Variants in FLRT1 observed in about 807,000 individuals in gnomAD.
FLRT1 encodes fibronectin leucine rich transmembrane protein 1, also known as leucine-rich repeat transmembrane protein FLRT1.
In FLRT1, 14 loss-of-function variants were observed where a neutral mutation model predicts 30.9. The observed-to-expected ratio is 0.45, with a 90% CI of 0.30 to 0.71. FLRT1 has a LOEUF of 0.71. Ranked by LOEUF, FLRT1 falls within the 30% of genes least tolerant of loss-of-function variation. The pLI is 0.08. For missense variants in FLRT1, 737 were observed against 949.2 expected, an observed-to-expected ratio of 0.78 and a Z score of 2.94; for synonymous variants, 368 against 430.4, an observed-to-expected ratio of 0.85 and a Z score of 1.80.
At chr11:64,054,978 C>A (rs947914737) in intron 1 of FLRT1, among the ~76,000 whole-genome samples, 1 of 152,186 alleles carries the variant, frequency 6.6e-6, no homozygotes, top group South Asian at 2.1e-4. Flanking sequence ...TCCTACCAGC[C>A]CTTTCCTACC....
chr11:64,052,863 G>A (rs1464280323), intron 1 of FLRT1, among the ~76,000 whole-genome samples: 1 of 152,154 alleles, frequency 6.6e-6, no homozygotes, highest in African/African-American at 2.4e-5. Flanking sequence ...CTTTAATTAT[G>A]CCCCTGCCAG....
chr11:64,051,051 G>T (rs1943684314), intron 1 of FLRT1, among the ~76,000 whole-genome samples: 1 of 152,210 alleles, frequency 6.6e-6, no homozygotes, highest in African/African-American at 2.4e-5. Context: ...AAGGATTGAG[G>T]CTCAAGTATT....
chr11:64,053,743 G>T (rs1372749710), intron 1 of FLRT1, among the ~76,000 whole-genome samples: 1 of 152,166 alleles, frequency 6.6e-6, no homozygotes, highest in Non-Finnish European at 1.5e-5. Flanking sequence ...CGCTCTCTGG[G>T]ACTGCTGGGC....
chr11:64,042,744 G>A (rs1159104648), intron 1 of FLRT1, among the ~76,000 whole-genome samples: 3 of 152,308 alleles, frequency 2.0e-5, no homozygotes, highest in East Asian at 3.9e-4. Context: ...CACTACTTCT[G>A]GACAAGGGGT....
chr11:64,036,614 C>G lies in FLRT1; in HGVS notation c.-1038+455C>G, dbSNP rs1373110806. Among the ~76,000 whole-genome samples the G allele has an allele frequency of 2.6e-5, 4 of 152,184 alleles. No homozygotes were observed. Among genetic ancestry groups the G allele is most frequent in the Admixed American group, 1.3e-4 (2 of 15,292 alleles). On this transcript the variant is annotated intron_variant, in intron 1 of 2. Transcript: ENST00000682287. This position sits in a 1 kb window ranked among gnomAD's most constrained non-coding sequence, Gnocchi z 5.6. ...CCGGCCGGCCTGGGCGCCGCGCTCC[C>G]GTCCCCACCAGCCGCGTGAGTCACG...
At chr11:64,088,442 T>C (rs567761621) in intron 1 of FLRT1, among the ~76,000 whole-genome samples, 152 of 152,174 alleles carry the variant, frequency 1.0e-3, no homozygotes, top group Non-Finnish European at 1.5e-3. Flanking sequence ...GCCCTGCAGG[T>C]GCGGCTGTGG....
At chr11:64,052,098 A>C (rs1038140403) in intron 1 of FLRT1, among the ~76,000 whole-genome samples, 17 of 151,904 alleles carry the variant, frequency 1.1e-4, no homozygotes, top group African/African-American at 3.9e-4. Flanking sequence ...AATCCCTTGG[A>C]GGAAGCCCTG....
At chr11:64,109,638 C>T (rs1420586617) in intron 2 of FLRT1, among the ~76,000 whole-genome samples, 6 of 152,236 alleles carry the variant, frequency 3.9e-5, no homozygotes, top group South Asian at 4.2e-4. Flanking sequence ...CTTACCTCCC[C>T]GGACTCCTCC....
At chr11:64,047,718 G>A (rs1408925686) in intron 1 of FLRT1, among the ~76,000 whole-genome samples, 1 of 151,910 alleles carries the variant, frequency 6.6e-6, no homozygotes, top group African/African-American at 2.4e-5. Flanking sequence ...CCAACGTGGT[G>A]AAACCCCTTC....
At chr11:64,074,579 C>T (rs113295262) in intron 1 of FLRT1, among the ~76,000 whole-genome samples, 3,137 of 152,304 alleles carry the variant, frequency 0.021, 61 homozygotes, top group South Asian at 0.052. Context: ...TCCATGTCCC[C>T]GCAGGCCCTC....
At chr11:64,099,053 G>C (rs1944626728) in intron 1 of FLRT1, among the ~76,000 whole-genome samples, 1 of 152,228 alleles carries the variant, frequency 6.6e-6, no homozygotes. Flanking sequence ...GAAGCCCTGA[G>C]TGCCAAGGGT....
intron 1 of FLRT1, among the ~76,000 whole-genome samples, chr11:64,078,785 A>AG (rs1326821877): frequency 5.9e-5 from 7 of 117,836 alleles, no homozygotes; most frequent in African/African-American, 2.0e-4. Flanking sequence ...GGGTGACTGC[A>AG]GGGGGGGAGG....
At chr11:64,068,140 T>C (rs1321577824) in intron 1 of FLRT1, among the ~76,000 whole-genome samples, 4 of 152,216 alleles carry the variant, frequency 2.6e-5, no homozygotes, top group Non-Finnish European at 4.4e-5. Context: ...ATTAATGGCA[T>C]TAAGATATGG....
intron 1 of FLRT1, among the ~76,000 whole-genome samples, chr11:64,068,822 T>C (rs1944053242): frequency 6.6e-6 from 1 of 152,332 alleles, no homozygotes; most frequent in Middle Eastern, 3.4e-3. Context: ...TGGGCCTGTG[T>C]CACTGAGCAG....
At chr11:64,106,514 GATAA>G (rs1453117885) in intron 2 of FLRT1, among the ~76,000 whole-genome samples, 1 of 152,222 alleles carries the variant, frequency 6.6e-6, no homozygotes. Flanking sequence ...ATAAACTCAT[GATAA>G]ATAAATAGGG....
At chr11:64,050,302 G>A (rs1002412995) in intron 1 of FLRT1, among the ~76,000 whole-genome samples, 1 of 152,084 alleles carries the variant, frequency 6.6e-6, no homozygotes, top group Non-Finnish European at 1.5e-5. Context: ...CAGCTACCAC[G>A]AGGCCCAGAG....
intron 1 of FLRT1, among the ~76,000 whole-genome samples, chr11:64,087,772 G>A (rs1373192688): frequency 1.3e-5 from 2 of 152,260 alleles, no homozygotes; most frequent in Non-Finnish European, 2.9e-5. Context: ...GTGCACGTCT[G>A]AATGACCGGA....
At chr11:64,079,419 G>A (rs935134653) in intron 1 of FLRT1, among the ~76,000 whole-genome samples, 2 of 152,124 alleles carry the variant, frequency 1.3e-5, no homozygotes, top group Non-Finnish European at 2.9e-5. Flanking sequence ...GGGGGTGTGC[G>A]AAGACAGTGG....
intron 1 of FLRT1, among the ~76,000 whole-genome samples, chr11:64,044,687 G>A (rs1943551720): frequency 1.3e-5 from 2 of 152,192 alleles, no homozygotes; most frequent in Admixed American, 6.5e-5. Flanking sequence ...CTTTACAAAG[G>A]AGGATGGGAA....
Sources: allele counts gnomAD v4.1 joint callset (sites outside exome capture counted in the v4.1 genomes callset), GRCh38; gene constraint gnomAD v4.1.1; non-coding constraint Gnocchi (gnomAD v3.1); transcripts MANE v1.5; gene names NCBI Gene and HGNC (gene_info 2026-07-23, HGNC 2026-07-21).